Variants in KATNIP observed in about 807,000 individuals in gnomAD.
The protein encoded by KATNIP is katanin-interacting protein.
A neutral mutation model predicts 174.0 loss-of-function variants in KATNIP; 126 were observed. The observed-to-expected ratio is 0.72, with a 90% CI of 0.63 to 0.84. KATNIP has a LOEUF of 0.84. Ranked by LOEUF, KATNIP falls within the 40% of genes least tolerant of loss-of-function variation. The pLI is 0.00. For synonymous variants in KATNIP, 810 were observed against 835.7 expected (o/e 0.97, Z 0.53); for missense variants, 1,958 against 2,109.7 (o/e 0.93, Z 1.41).
intron 13 of KATNIP, among the ~76,000 whole-genome samples, chr16:27,710,022 C>G (rs556190549): frequency 6.6e-6 from 1 of 152,116 alleles, no homozygotes; most frequent in Non-Finnish European, 1.5e-5. Context: ...TGCCCTAGGT[C>G]GTGAGGTGCA....
At chr16:27,778,042 T>C in intron 27 of KATNIP, 73 bp downstream of exon 27, 1 of 1,376,702 alleles carries the variant, frequency 7.3e-7, no homozygotes, top group Non-Finnish European at 1.0e-6. Flanking sequence ...GCTGGTGGCC[T>C]TGCACCCCCA....
chr16:27,771,568 G>T lies in KATNIP; in HGVS notation c.4134-20G>T. On this transcript the variant is annotated intron_variant, in intron 21 of 27. Coordinates refer to ENST00000261588, the MANE Select transcript of KATNIP (RefSeq NM_015202.5). Reference sequence around the variant, plus strand: ...GGGCCGTCGTGAGCTTCTTCATGGTGCTGTTTTGTGCTTTTTCAGGCTGGA... The same window carrying T: ...GGGCCGTCGTGAGCTTCTTCATGGTTCTGTTTTGTGCTTTTTCAGGCTGGA... 6.2e-7 allele frequency: 1 copy of T among 1,611,304 alleles called. No individual in the cohort carries two copies. The highest frequency in any genetic ancestry group is 8.5e-7 in the Non-Finnish European group (1 of 1,178,368).
intron 6 of KATNIP, among the ~76,000 whole-genome samples, chr16:27,664,787 C>T (rs1178433239): frequency 6.6e-6 from 1 of 152,174 alleles, no homozygotes; most frequent in Non-Finnish European, 1.5e-5. Context: ...GTCTCAAAAT[C>T]TTTGTCCCAT....
In KATNIP at chr16:27,633,800, A is replaced by G. The variant is rs2076559939; in HGVS notation, c.408+2638A>G. The stretch of plus-strand genomic sequence containing the variant: ...GGTAAGGTGACTTCCTTAGAGTTGC[A>G]TAGCTACTAAGGAAGAGGGCAGGCT... On this transcript the variant is annotated intron_variant, in intron 5 of 27. Coordinates refer to ENST00000261588, the MANE Select transcript of KATNIP (RefSeq NM_015202.5). Among the ~76,000 whole-genome samples the G allele has an allele frequency of 2.0e-5, 3 of 152,222 alleles. No homozygotes were observed. The South Asian group carries it at 6.2e-4, about 31-fold the overall frequency.
At chr16:27,635,332 C>T (rs2076601051) in intron 5 of KATNIP, among the ~76,000 whole-genome samples, 1 of 152,060 alleles carries the variant, frequency 6.6e-6, no homozygotes, top group African/African-American at 2.4e-5. Flanking sequence ...CTGGGAAATG[C>T]AGTATTTGGC....
chr16:27,751,113 G>A (rs1237828412), intron 16 of KATNIP, among the ~76,000 whole-genome samples: 3 of 152,072 alleles, frequency 2.0e-5, no homozygotes, highest in Non-Finnish European at 4.4e-5. Flanking sequence ...CACCTGTCTT[G>A]GTCCGGCCCC....
chr16:27,775,776 G>C (rs1391471198), intron 24 of KATNIP, among the ~76,000 whole-genome samples: 1 of 152,212 alleles, frequency 6.6e-6, no homozygotes, highest in African/African-American at 2.4e-5. Flanking sequence ...TATGACTAGG[G>C]ATGTGTCCCT....
intron 19 of KATNIP, among the ~76,000 whole-genome samples, chr16:27,763,532 T>C (rs1377022099): frequency 1.3e-5 from 2 of 149,272 alleles, no homozygotes; most frequent in African/African-American, 5.0e-5. Flanking sequence ...GGAGGATCAC[T>C]TGAGCCCAGG....
chr16:27,589,702 A>C (rs545074470), intron 2 of KATNIP, among the ~76,000 whole-genome samples: 1 of 152,266 alleles, frequency 6.6e-6, no homozygotes, highest in African/African-American at 2.4e-5. Flanking sequence ...CCTCTGTTTA[A>C]TCTTCCAGAT....
At chr16:27,719,270 C>T (rs1031895829) in intron 13 of KATNIP, among the ~76,000 whole-genome samples, 6 of 152,178 alleles carry the variant, frequency 3.9e-5, no homozygotes, top group African/African-American at 1.4e-4. Context: ...AAGGGCTGCA[C>T]ACTCTTGGCT....
chr16:27,634,366 C>T (rs553860348), intron 5 of KATNIP, among the ~76,000 whole-genome samples: 3 of 152,300 alleles, frequency 2.0e-5, no homozygotes, highest in Non-Finnish European at 4.4e-5. Context: ...CGGGTGCTTA[C>T]GAAGTCCTTG....
chr16:27,632,969 C>T (rs1238173879), intron 5 of KATNIP, among the ~76,000 whole-genome samples: 1 of 151,926 alleles, frequency 6.6e-6, no homozygotes, highest in African/African-American at 2.4e-5. Context: ...AGGGTGGTCT[C>T]GAACTCCTGA....
chr16:27,773,795 C>G (rs2082395446), intron 23 of KATNIP, among the ~76,000 whole-genome samples: 1 of 152,076 alleles, frequency 6.6e-6, no homozygotes, highest in East Asian at 1.9e-4. Context: ...GCCATTTCTC[C>G]CCAAGCATAT....
intron 14 of KATNIP, among the ~76,000 whole-genome samples, chr16:27,738,552 C>G (rs371489568): frequency 1.3e-5 from 2 of 152,098 alleles, no homozygotes; most frequent in African/African-American, 4.8e-5. Context: ...GTTGAACCTG[C>G]GTGACATAGG....
intron 5 of KATNIP, among the ~76,000 whole-genome samples, chr16:27,643,778 C>G (rs1012355526): frequency 6.6e-6 from 1 of 151,764 alleles, no homozygotes; most frequent in South Asian, 2.1e-4. Context: ...ACTCTGACAT[C>G]ATTTTCTTCA....
chr16:27,759,057 G>A (rs551901486), intron 18 of KATNIP, among the ~76,000 whole-genome samples: 45 of 152,260 alleles, frequency 3.0e-4, no homozygotes, highest in African/African-American at 9.9e-4. Flanking sequence ...TCATTTACTT[G>A]CAGATATCTA....
intron 6 of KATNIP, among the ~76,000 whole-genome samples, chr16:27,651,851 T>C (rs955375679): frequency 2.6e-5 from 4 of 152,168 alleles, no homozygotes; most frequent in Non-Finnish European, 5.9e-5. Context: ...TCCCGAGTAG[T>C]TGAGATTACA....
chr16:27,609,079 C>A (rs1365934833), intron 2 of KATNIP, among the ~76,000 whole-genome samples: 1 of 152,022 alleles, frequency 6.6e-6, no homozygotes. Context: ...TTCTTGTTGC[C>A]CAGGTAACAT....
At chr16:27,623,576 C>G (rs1323838716) in intron 3 of KATNIP, among the ~76,000 whole-genome samples, 1 of 152,180 alleles carries the variant, frequency 6.6e-6, no homozygotes, top group Admixed American at 6.5e-5. Flanking sequence ...CCTCTTGCCT[C>G]AGATTCCCTA....
Sources: gnomAD v4.1 joint callset for allele counts (sites outside exome capture counted in the v4.1 genomes callset) on GRCh38, gnomAD v4.1.1 for gene constraint, MANE v1.5 for transcripts, NCBI Gene and HGNC (gene_info 2026-07-23, HGNC 2026-07-21) for gene names.